B3GLCT: variants seen among roughly 807,000 people sequenced by gnomAD.
B3GLCT encodes the protein beta 3-glucosyltransferase.
B3GLCT carries 65 observed loss-of-function variants against 63.4 expected under a neutral mutation model. The observed-to-expected ratio is 1.03, with a 90% confidence interval of 0.84 to 1.26. The LOEUF (loss-of-function observed/expected upper bound fraction) is 1.26, where lower values mean the gene tolerates loss of function less well. B3GLCT is among the 50% of genes most tolerant of loss of function. B3GLCT has a pLI of 0.00. For synonymous variants in B3GLCT, 233 were observed against 219.2 expected (o/e 1.06, Z -0.55); for missense variants, 577 against 604.8 (o/e 0.95, Z 0.48).
At chr13:31,253,611 A>AC (rs1593275484) in intron 6 of B3GLCT, among the ~76,000 whole-genome samples, 4 of 147,144 alleles carry the variant, frequency 2.7e-5, no homozygotes, top group South Asian at 4.3e-4. Context: ...AAAAAAAAAA[A>AC]AAAAAAAAAA....
intron 1 of B3GLCT, among the ~76,000 whole-genome samples, chr13:31,203,627 C>T (rs1191894189): frequency 3.3e-5 from 5 of 152,154 alleles, no homozygotes; most frequent in African/African-American, 4.8e-5. Context: ...CATAAAGGTA[C>T]TACTTAGAGA....
At chr13:31,320,688 C>G (rs1284262645) in intron 13 of B3GLCT, among the ~76,000 whole-genome samples, 2 of 152,228 alleles carry the variant, frequency 1.3e-5, no homozygotes, top group Non-Finnish European at 1.5e-5. Context: ...TAAGACCTCT[C>G]ATGATCTTGG....
chr13:31,299,408 C>T (rs1212989312), intron 12 of B3GLCT, among the ~76,000 whole-genome samples: 7 of 152,064 alleles, frequency 4.6e-5, no homozygotes, highest in African/African-American at 1.7e-4. Context: ...TAATGGTACT[C>T]AGAGTATTTG....
At chr13:31,215,261 A>G (rs1366700879) in intron 2 of B3GLCT, among the ~76,000 whole-genome samples, 161 bp downstream of exon 2, 3 of 152,224 alleles carry the variant, frequency 2.0e-5, no homozygotes, top group Non-Finnish European at 4.4e-5. Flanking sequence ...TGCAACCTAT[A>G]AGATAGACTT....
chr13:31,204,006 T>C (rs1382625806), intron 1 of B3GLCT, among the ~76,000 whole-genome samples: 1 of 152,210 alleles, frequency 6.6e-6, no homozygotes, highest in Non-Finnish European at 1.5e-5. Flanking sequence ...ATCGTGATAT[T>C]GCAGGAACAA....
intron 6 of B3GLCT, among the ~76,000 whole-genome samples, chr13:31,252,414 A>C (rs1871473374): frequency 6.6e-6 from 1 of 152,212 alleles, no homozygotes; most frequent in South Asian, 2.1e-4. Context: ...GTTAAAAGAC[A>C]CAGACTGGCA....
Position 31,323,911 on chromosome 13 carries a change from T to A in B3GLCT, c.1329+16T>A. The A allele has an allele frequency of 6.2e-7, 1 of 1,614,022 alleles. No individual in the cohort carries two copies. Among genetic ancestry groups the A allele is most frequent in the Non-Finnish European group, 8.5e-7 (1 of 1,179,870 alleles). On this transcript the variant is annotated intron_variant, in intron 14 of 14. Transcript: ENST00000343307. ...CTTCCATCAGGTGAGGAAATGGTTT[T>A]TATTCTTCCCTCATGGCAGGTGAGG...
intron 4 of B3GLCT, among the ~76,000 whole-genome samples, chr13:31,243,271 T>C (rs750514114): frequency 6.6e-6 from 1 of 152,194 alleles, no homozygotes; most frequent in African/African-American, 2.4e-5. Flanking sequence ...CATAAACCCA[T>C]GTACTTCTAG....
At position 31,331,769 on chromosome 13, in the gene B3GLCT, T is replaced by C. The variant is rs80102047; in HGVS notation, c.*2101T>C. 98 of 152,356 alleles carry C rather than the reference T, an allele frequency of 6.4e-4. 2 individuals carry two copies. In the East Asian group the frequency reaches 0.019, roughly 29 times the overall value. The allele number at this position is 152,356 out of a possible 1,614,324, so 9.4% of individuals were successfully genotyped here. ...ATCAGAGATGTTATTTTAGAATCGA[T>C]TCCCATCTAAAGAACTCAATTTTGA... On this transcript the variant is annotated 3_prime_UTR_variant, in exon 15 of 15. Transcript: ENST00000343307.
intron 6 of B3GLCT, among the ~76,000 whole-genome samples, chr13:31,253,709 C>CA (rs1357552494): frequency 6.9e-6 from 1 of 144,212 alleles, no homozygotes; most frequent in East Asian, 2.0e-4. Context: ...GATAGAGATA[C>CA]AAAAAAACCC....
chr13:31,260,408 C>G (rs1252546084), intron 6 of B3GLCT: 1 of 152,788 alleles, frequency 6.5e-6, no homozygotes, highest in Admixed American at 6.5e-5. Flanking sequence ...GATTTATTTT[C>G]ATCCTAGCAC....
chr13:31,285,625 A>G (rs1873287388), intron 11 of B3GLCT, among the ~76,000 whole-genome samples: 1 of 150,946 alleles, frequency 6.6e-6, no homozygotes, highest in East Asian at 1.9e-4. Context: ...AAAAAAAAAA[A>G]AAAAAGTAGC....
At chr13:31,250,765 A>C (rs1368769741) in intron 6 of B3GLCT, among the ~76,000 whole-genome samples, 2 of 152,238 alleles carry the variant, frequency 1.3e-5, no homozygotes, top group African/African-American at 4.8e-5. Context: ...ACCTGGGGGA[A>C]GGGGCAGTTG....
chr13:31,324,119 G>T (rs1875486314), intron 14 of B3GLCT, among the ~76,000 whole-genome samples: 1 of 152,166 alleles, frequency 6.6e-6, no homozygotes, highest in South Asian at 2.1e-4. Flanking sequence ...AAAACCAAGT[G>T]GCGTTTGACC....
intron 4 of B3GLCT, among the ~76,000 whole-genome samples, chr13:31,238,281 G>A (rs1371035935): frequency 2.6e-5 from 4 of 152,194 alleles, no homozygotes; most frequent in African/African-American, 4.8e-5. Flanking sequence ...AAGAAAGAGC[G>A]TAAACTAACT....
intron 7 of B3GLCT, among the ~76,000 whole-genome samples, chr13:31,261,292 C>G (rs569228688): frequency 2.0e-5 from 3 of 152,292 alleles, no homozygotes; most frequent in South Asian, 2.1e-4. Context: ...ATCATTCAAC[C>G]TCTCTGTATT....
At chr13:31,266,039 G>A (rs1020827909) in intron 7 of B3GLCT, among the ~76,000 whole-genome samples, 30 of 151,682 alleles carry the variant, frequency 2.0e-4, no homozygotes, top group Admixed American at 6.6e-4. Flanking sequence ...TCGCTCTGTC[G>A]CCCAGGCTGG....
intron 1 of B3GLCT, among the ~76,000 whole-genome samples, chr13:31,206,080 A>T (rs974725445): frequency 6.6e-6 from 1 of 152,168 alleles, no homozygotes; most frequent in African/African-American, 2.4e-5. Context: ...CAGATCCTTG[A>T]TGGGGGATAT....
At chr13:31,325,425 T>A (rs560776844) in intron 14 of B3GLCT, among the ~76,000 whole-genome samples, 1 of 152,338 alleles carries the variant, frequency 6.6e-6, no homozygotes, top group South Asian at 2.1e-4. Flanking sequence ...AAATAATTTA[T>A]CAAGGTTAGT....
Sources: allele counts gnomAD v4.1 joint callset (sites outside exome capture counted in the v4.1 genomes callset), GRCh38; gene constraint gnomAD v4.1.1; transcripts MANE v1.5; gene names NCBI Gene and HGNC (gene_info 2026-07-23, HGNC 2026-07-21).